PER2: variants seen among roughly 807,000 people sequenced by gnomAD.
The protein encoded by PER2 is period circadian regulator 2, also known as period circadian protein homolog 2.
A neutral mutation model predicts 121.0 loss-of-function variants in PER2; 66 were observed. The ratio of observed to expected loss-of-function variants is 0.55; its 90% CI spans 0.45 to 0.67. The LOEUF is 0.67. Ranked by LOEUF, PER2 falls within the 30% of genes least tolerant of loss-of-function variation. PER2 has a pLI of 0.00. For synonymous variants in PER2, 684 were observed against 659.9 expected (o/e 1.04, Z -0.56); for missense variants, 1,521 against 1,635.0 (o/e 0.93, Z 1.20).
intron 8 of PER2, among the ~76,000 whole-genome samples, chr2:238,267,731 C>T (rs1696152769): frequency 6.6e-6 from 1 of 152,080 alleles, no homozygotes; most frequent in Admixed American, 6.5e-5. Context: ...GATGTAGGGC[C>T]CCAGACTTGT....
chr2:238,246,099 T>A lies in PER2; in HGVS notation c.*276A>T, dbSNP rs1695439330. 2 of 230,308 alleles carry A rather than the reference T, an allele frequency of 8.7e-6. No individual in the cohort carries two copies. The highest frequency in any genetic ancestry group is 4.5e-5 in the African/African-American group (2 of 44,472). 14.3% of individuals were successfully genotyped at this position (230,308 alleles called of 1,614,324 possible). Reference sequence around the variant, plus strand: ...CCCTGACACTAAGAGGCGCTTAGTCTTTCTCAAGTTAAATAACAACTAAAA... The same window carrying A: ...CCCTGACACTAAGAGGCGCTTAGTCATTCTCAAGTTAAATAACAACTAAAA... On this transcript the variant is annotated 3_prime_UTR_variant, in exon 23 of 23. Coordinates refer to ENST00000254657, the MANE Select transcript of PER2 (RefSeq NM_022817.3).
At chr2:238,248,093 GT>G (rs1695495633) in intron 22 of PER2, among the ~76,000 whole-genome samples, 1 of 152,216 alleles carries the variant, frequency 6.6e-6, no homozygotes, top group Admixed American at 6.5e-5. Flanking sequence ...GGGAAAAGAG[GT>G]GCAGACACTG....
At chr2:238,255,531 A>T in intron 18 of PER2, 126 bp downstream of exon 18, 1 of 997,398 alleles carries the variant, frequency 1.0e-6, no homozygotes, top group Non-Finnish European at 1.6e-6. Flanking sequence ...GGGAAGTTCC[A>T]ACAGCTGTCT....
chr2:238,275,717 G>T (rs1413573805), intron 4 of PER2, 26 bp downstream of exon 4: 1 of 1,607,682 alleles, frequency 6.2e-7, no homozygotes, highest in African/African-American at 1.3e-5. Context: ...CTATAGGTTT[G>T]GAGCAGATGT....
upstream of PER2, chr2:238,289,379 A>G (rs561924229): frequency 8.5e-5 from 13 of 152,264 alleles, no homozygotes; most frequent in South Asian, 2.5e-3. Flanking sequence ...CTCCGGGGGC[A>G]CGCCCACCCG....
At chr2:238,297,812 C>T in the PER2 span, among the ~76,000 whole-genome samples, 1 of 152,198 alleles carries the variant, frequency 6.6e-6, no homozygotes, top group Non-Finnish European at 1.5e-5. Flanking sequence ...AATACCCTTA[C>T]CCTTTGCCCT....
upstream of PER2, among the ~76,000 whole-genome samples, chr2:238,288,871 CAT>C (rs990783608): frequency 1.3e-4 from 20 of 152,234 alleles, no homozygotes; most frequent in African/African-American, 4.3e-4. Context: ...CATCTGCATA[CAT>C]GAGGGGCGGG....
In PER2 at chr2:238,271,393, G is replaced by A; in HGVS notation, c.691C>T (p.Leu231=). 15 of 1,614,204 alleles carry A rather than the reference G, an allele frequency of 9.3e-6. No homozygotes were observed. The highest frequency in any genetic ancestry group is 1.3e-5 in the Non-Finnish European group (15 of 1,180,006). The part of the protein sequence containing the change: ...AFSDAKFVEF[L]APHDVGVFHS... ...AACACGCCCACATCGTGAGGCGCCA[G>A]GAACTCCACAAACTTGGCATCGCTG... Residue 231 remains leucine (L), a synonymous_variant, in exon 6 of 23, where the codon CTG becomes TTG. Transcript: ENST00000254657.
upstream of PER2, among the ~76,000 whole-genome samples, chr2:238,292,740 C>CTT (rs1189740145): frequency 1.5e-5 from 2 of 137,788 alleles, no homozygotes; most frequent in African/African-American, 5.3e-5. Flanking sequence ...TTTTCTTTCT[C>CTT]TTTTTTTTTT....
At chr2:238,281,254 G>A (rs977881715) in intron 1 of PER2, among the ~76,000 whole-genome samples, 41 of 152,142 alleles carry the variant, frequency 2.7e-4, no homozygotes, top group Admixed American at 2.6e-3. Flanking sequence ...TGCCCACCTC[G>A]GCCTCCCAAA....
Position 238,253,572 on chromosome 2 carries a change from C to G in PER2, c.2451G>C (p.Val817=). The change falls in exon 19 of 23, where the codon GTG becomes GTC. Residue 817 remains valine, a synonymous_variant. Coordinates refer to ENST00000254657, the MANE Select transcript of PER2 (RefSeq NM_022817.3). This position sits in a 1 kb window ranked among gnomAD's most constrained non-coding sequence, Gnocchi z 5.6. ...SSESTGSGGP[V]SARPPLVGLN... ...AGCCCACCAGCGGGGGCCGGGCGGA[C>G]ACGGGCCCCCCAGATCCGGTGCTCT... The G allele has an allele frequency of 6.2e-7, 1 of 1,610,100 alleles. No individual in the cohort carries two copies. The highest frequency in any genetic ancestry group is 8.5e-7 in the Non-Finnish European group (1 of 1,178,302).
chr2:238,270,208 T>C (rs374479639), intron 6 of PER2, among the ~76,000 whole-genome samples: 39 of 152,356 alleles, frequency 2.6e-4, no homozygotes, highest in African/African-American at 9.4e-4. Flanking sequence ...TCATGCTACA[T>C]ATTTTTGGGA....
chr2:238,255,584 A>G (rs1172922643), intron 18 of PER2, 73 bp downstream of exon 18: 55 of 1,464,208 alleles, frequency 3.8e-5, no homozygotes, highest in Non-Finnish European at 4.9e-5. Flanking sequence ...TCACATTTTG[A>G]AACCAGCACT....
At position 238,246,498 on chromosome 2, in the gene PER2, T is replaced by C. The variant is rs902379810; in HGVS notation, c.3645A>G (p.Glu1215=). Residue 1215 remains glutamate, a synonymous_variant, in exon 23 of 23, where the codon GAA becomes GAG. Transcript: ENST00000254657. ...CATATGGTATGCAAATATTACCTTT[T>C]TCCTTGTTTTCACAGTAAACACATT... is the stretch of plus-strand genomic sequence containing the variant. The part of the protein sequence containing the change: ...VAECVYCENK[E]KGNICIPYEE... 1 of 1,582,282 alleles carries C rather than the reference T, an allele frequency of 6.3e-7. No individual in the cohort carries two copies. Among genetic ancestry groups the C allele is most frequent in the African/African-American group, 1.3e-5 (1 of 74,488 alleles).
chr2:238,267,931 T>G, intron 8 of PER2, 125 bp downstream of exon 8: 1 of 1,041,962 alleles, frequency 9.6e-7, no homozygotes. Context: ...CAAGGTGAGG[T>G]GGAGAGGCCA....
intron 5 of PER2, 46 bp from the exon 6 acceptor site, chr2:238,271,559 G>A (rs71426511): frequency 0.088 from 127,822 of 1,451,616 alleles, 6,293 homozygotes; most frequent in South Asian, 0.14. Flanking sequence ...AGATGGTGTC[G>A]GACGCCACAT....
chr2:238,265,414 A>T, intron 9 of PER2, 98 bp downstream of exon 9: 1 of 771,606 alleles, frequency 1.3e-6, no homozygotes, highest in Non-Finnish European at 2.3e-6. Context: ...GTTTTTGTCC[A>T]TTATCATGTA....
At chr2:238,248,737 G>A (rs914856209) in intron 22 of PER2, among the ~76,000 whole-genome samples, 2 of 150,530 alleles carry the variant, frequency 1.3e-5, no homozygotes, top group Admixed American at 6.6e-5. Flanking sequence ...CTCCCTGCAA[G>A]CTCTGCCTCC....
At chr2:238,289,459 C>G (rs1193896666), upstream of PER2, 2 of 152,202 alleles carry the variant, frequency 1.3e-5, no homozygotes, top group Admixed American at 6.5e-5. Flanking sequence ...TTTTTGAGAC[C>G]ACGTGTTGCA....
Sources: allele counts gnomAD v4.1 joint callset (sites outside exome capture counted in the v4.1 genomes callset), GRCh38; gene constraint gnomAD v4.1.1; non-coding constraint Gnocchi (gnomAD v3.1); transcripts MANE v1.5; gene names NCBI Gene and HGNC (gene_info 2026-07-23, HGNC 2026-07-21).